STK11IP: variants seen among roughly 807,000 people sequenced by gnomAD.
STK11IP encodes the protein serine/threonine-protein kinase 11-interacting protein.
A neutral mutation model predicts 131.7 loss-of-function variants in STK11IP; 103 were observed. The observed-to-expected ratio is 0.78, with a 90% CI of 0.67 to 0.92. STK11IP has a LOEUF of 0.92. Among genes scored for constraint, STK11IP ranks in the 40% least tolerant of loss-of-function variants. The probability of loss-of-function intolerance (pLI) is 0.00; values close to 1 mark genes in which losing one functional copy is unlikely to be tolerated. For synonymous variants in STK11IP, 557 were observed against 575.6 expected (o/e 0.97, Z 0.46); for missense variants, 1,315 against 1,385.7 (o/e 0.95, Z 0.81).
Position 219,601,346 on chromosome 2 carries a change from G to T in STK11IP, c.173G>T (p.Gly58Val), listed in dbSNP as rs1559176087. ...GGGCCATGGGGCCCTGGCCAGACAGGCTTTGTGGCTCTGCCCTCCCATCCT... is the reference window on the plus strand; with the variant it reads ...GGGCCATGGGGCCCTGGCCAGACAGTCTTTGTGGCTCTGCCCTCCCATCCT... ...HLGPWGPGQT[G>V]FVALPSHPAD... is the part of the protein sequence containing the mutation. The change falls in exon 3 of 25, where the codon GGC becomes GTC. Residue 58 changes from glycine to valine, a missense_variant. By Grantham distance (109) the Gly-to-Val change is moderately radical. Coordinates refer to ENST00000456909, the MANE Select transcript of STK11IP (RefSeq NM_052902.4). 1 of 1,614,048 alleles carries T rather than the reference G, an allele frequency of 6.2e-7. No homozygotes were observed. The highest frequency in any genetic ancestry group is 1.1e-5 in the South Asian group (1 of 91,088).
chr2:219,608,179 C>G lies in STK11IP; in HGVS notation c.1352C>G (p.Ser451Cys). 4.3e-6 allele frequency: 7 copies of G among 1,613,676 alleles called. No individual in the cohort carries two copies. Among genetic ancestry groups the G allele is most frequent in the Non-Finnish European group, 5.9e-6 (7 of 1,179,892 alleles). Residue 451 changes from serine to cysteine, a missense_variant, in exon 14 of 25, where the codon TCT becomes TGT. Physicochemically the swap from Ser to Cys is moderately radical, Grantham distance 112. Coordinates refer to ENST00000456909, the MANE Select transcript of STK11IP (RefSeq NM_052902.4). ...CCTCTGCCGGCCACCCCCACTACTT[C>G]TGCACCCAGTGCACCTCCAGCCAGC... Reference protein sequence around the residue: ...GNPLPATPTTSAPSAPPASSQ... With the variant: ...GNPLPATPTTCAPSAPPASSQ...
intron 8 of STK11IP, 22 bp downstream of exon 8, chr2:219,605,756 G>A (rs748953232): frequency 5.0e-6 from 8 of 1,594,658 alleles, no homozygotes; most frequent in Admixed American, 1.8e-5. Flanking sequence ...TGTGTGATGG[G>A]GCAAGCATGG....
chr2:219,609,127 C>A lies in STK11IP; in HGVS notation c.1840C>A (p.Leu614Ile). 1.9e-6 allele frequency: 3 copies of A among 1,607,872 alleles called. No homozygotes were observed. The highest frequency in any genetic ancestry group is 2.2e-5 in the South Asian group (2 of 89,448). The change falls in exon 16 of 25, where the codon CTC (leucine) becomes ATC (isoleucine). Residue 614 changes from leucine to isoleucine, a missense_variant. Coordinates refer to ENST00000456909, the MANE Select transcript of STK11IP (RefSeq NM_052902.4). ...GSDLLPGAPI[L>I]SLRFSYICPD... Reference sequence around the variant, plus strand: ...AGATCTGCTCCCTGGAGCCCCCATCCTCAGTCTGCGCTTCTCCTACATCTG... The same window carrying A: ...AGATCTGCTCCCTGGAGCCCCCATCATCAGTCTGCGCTTCTCCTACATCTG...
At chr2:219,599,877 A>G (rs888274092) in intron 2 of STK11IP, among the ~76,000 whole-genome samples, 1 of 151,294 alleles carries the variant, frequency 6.6e-6, no homozygotes, top group Admixed American at 6.6e-5. Flanking sequence ...AGCTGGGACT[A>G]CAGGCATGCA....
At chr2:219,614,005 G>T (rs1698494948) in intron 21 of STK11IP, 75 bp downstream of exon 21, 2 of 1,504,028 alleles carry the variant, frequency 1.3e-6, no homozygotes, top group Non-Finnish European at 1.8e-6. Flanking sequence ...TCCCCACCTG[G>T]TACCCAGTAG....
At chr2:219,614,442 G>A in intron 22 of STK11IP, 34 bp from the exon 23 acceptor site, 1 of 1,610,156 alleles carries the variant, frequency 6.2e-7, no homozygotes, top group Non-Finnish European at 8.5e-7. Flanking sequence ...CCACCCGCTA[G>A]CTGATCTTCC....
intron 7 of STK11IP, 83 bp downstream of exon 7, chr2:219,602,859 C>T (rs1698036608): frequency 2.2e-6 from 3 of 1,360,416 alleles, no homozygotes; most frequent in African/African-American, 2.9e-5. Context: ...CCAGCTTTTA[C>T]TCCCACCTTG....
chr2:219,598,007 G>A, intron 1 of STK11IP, 84 bp downstream of exon 1: 1 of 1,582,122 alleles, frequency 6.3e-7, no homozygotes, highest in Non-Finnish European at 8.6e-7. Context: ...CTTTTTCTCC[G>A]CATGACGCCT....
chr2:219,604,741 T>G (rs2106151437), intron 7 of STK11IP, among the ~76,000 whole-genome samples: 1 of 152,266 alleles, frequency 6.6e-6, no homozygotes, highest in East Asian at 1.9e-4. Flanking sequence ...AGTTTGAATG[T>G]TTGTGGTGAT....
At chr2:219,609,592 G>A (rs1372777917) in intron 17 of STK11IP, 52 bp downstream of exon 17, 1 of 1,549,184 alleles carries the variant, frequency 6.5e-7, no homozygotes, top group Non-Finnish European at 8.7e-7. Flanking sequence ...CTGTTCCAGG[G>A]AAAGTGGCTC....
intron 7 of STK11IP, among the ~76,000 whole-genome samples, chr2:219,603,535 T>G (rs1003630955): frequency 6.6e-6 from 1 of 151,672 alleles, no homozygotes; most frequent in Non-Finnish European, 1.5e-5. Context: ...TTCTTTTTTT[T>G]TTTGAGGCAG....
intron 7 of STK11IP, 94 bp downstream of exon 7, chr2:219,602,870 C>A: frequency 7.9e-7 from 1 of 1,264,306 alleles, no homozygotes; most frequent in Non-Finnish European, 1.1e-6. Flanking sequence ...TCCCACCTTG[C>A]TCTTGCCATG....
chr2:219,601,085 T>C, intron 2 of STK11IP, 150 bp from the exon 3 acceptor site: 2 of 643,984 alleles, frequency 3.1e-6, no homozygotes, highest in Non-Finnish European at 5.3e-6. Flanking sequence ...TGAATGCTTT[T>C]GAGCTGAGAA....
chr2:219,609,719 A>G, intron 17 of STK11IP, 179 bp downstream of exon 17: 1 of 689,190 alleles, frequency 1.5e-6, no homozygotes, highest in South Asian at 1.9e-5. Flanking sequence ...AAAGGAAAAC[A>G]GAAAAAAAGA....
chr2:219,601,773 G>A, intron 4 of STK11IP, 58 bp downstream of exon 4: 1 of 1,547,930 alleles, frequency 6.5e-7, no homozygotes. Context: ...AGCCCCTTGG[G>A]GATGGGAAAG....
chr2:219,606,848 A>G lies in STK11IP; in HGVS notation c.1124A>G (p.His375Arg), dbSNP rs1559180716. Reference sequence around the variant, plus strand: ...GGTGTTGTGACCCAGCCCCTGCTTCATAAGGTTAAGGTAAGCAGCGTCCTC... The same window carrying G: ...GGTGTTGTGACCCAGCCCCTGCTTCGTAAGGTTAAGGTAAGCAGCGTCCTC... ...SGGVVTQPLL[H>R]KVKSRVRVRR... is the part of the protein sequence containing the mutation. The change falls in exon 12 of 25, where the codon CAT becomes CGT. Residue 375 changes from histidine to arginine, a missense_variant. Transcript: ENST00000456909. The G allele has an allele frequency of 1.2e-6, 2 of 1,611,652 alleles. No homozygotes were observed. The highest frequency in any genetic ancestry group is 4.5e-5 in the East Asian group (2 of 44,840).
At position 219,606,844 on chromosome 2, in the gene STK11IP, CT is replaced by C. The variant is rs1183678288; in HGVS notation, c.1122del (p.His375IlefsTer9). 6.2e-7 allele frequency: 1 copy of C among 1,611,616 alleles called. No homozygotes were observed. Among genetic ancestry groups the C allele is most frequent in the East Asian group, 2.2e-5 (1 of 44,860 alleles). ...AGGGGGTGTTGTGACCCAGCCCCTG[CT>C]TCATAAGGTTAAGGTAAGCAGCGTC... The part of the protein sequence containing the change: ...SSGGVVTQPL[L>X]HKVKSRVRVR... On this transcript the variant is annotated frameshift_variant, in exon 12 of 25. Transcript: ENST00000456909. LOFTEE classifies it high-confidence loss of function.
rs957496100 is a variant in STK11IP, at chr2:219,607,984, G to A, written c.1220-63G>A. The stretch of plus-strand genomic sequence containing the variant: ...CCCCTCATCGCTGAGGAGCACCGTT[G>A]AAGGATTTGGGGCCATCTGTGTGGG... On this transcript the variant is annotated intron_variant, in intron 13 of 24. Transcript: ENST00000456909. 3 of 1,560,658 alleles carry A rather than the reference G, an allele frequency of 1.9e-6. No homozygotes were observed. The African/African-American group carries it at 4.1e-5, about 21-fold the overall frequency.
At chr2:219,608,920 T>A in intron 15 of STK11IP, 132 bp downstream of exon 15, 1 of 1,160,882 alleles carries the variant, frequency 8.6e-7, no homozygotes. Context: ...GCCTCAGAGG[T>A]TGCAAGCACT....
Sources: allele counts gnomAD v4.1 joint callset (sites outside exome capture counted in the v4.1 genomes callset), GRCh38; gene constraint gnomAD v4.1.1; transcripts MANE v1.5; gene names NCBI Gene and HGNC (gene_info 2026-07-23, HGNC 2026-07-21).